ASTN2: variants seen among roughly 807,000 people sequenced by gnomAD.
ASTN2 encodes astrotactin-2.
In ASTN2, 54 loss-of-function variants were observed where a neutral mutation model predicts 139.8. The observed-to-expected ratio is 0.39, with a 90% CI of 0.31 to 0.48. The LOEUF is 0.48. Ranked by LOEUF, ASTN2 falls within the 20% of genes least tolerant of loss-of-function variation. The pLI is 0.95. For synonymous variants in ASTN2, 756 were observed against 719.5 expected, an observed-to-expected ratio of 1.05 and a Z score of -0.81; for missense variants, 1,565 against 1,725.1, an observed-to-expected ratio of 0.91 and a Z score of 1.64.
At chr9:116,915,618 A>C (rs889526362) in intron 10 of ASTN2, among the ~76,000 whole-genome samples, 1 of 152,174 alleles carries the variant, frequency 6.6e-6, no homozygotes, top group South Asian at 2.1e-4. Context: ...TGGCTACATG[A>C]TGAAGCCTCC....
chr9:116,774,499 C>T (rs1031790863), intron 13 of ASTN2, among the ~76,000 whole-genome samples: 3 of 152,094 alleles, frequency 2.0e-5, no homozygotes, highest in African/African-American at 7.2e-5. Context: ...AGGTACAATG[C>T]TAGGAGCTTT....
rs529213184 is a variant in ASTN2 at position 116,532,951 on chromosome 9, C to T, written c.3356-45451G>A. Among the ~76,000 whole-genome samples, 10 of 152,290 alleles carry T rather than the reference C, an allele frequency of 6.6e-5. No homozygotes were observed. In the South Asian group the frequency reaches 2.1e-3, roughly 32 times the overall value. On this transcript the variant is annotated intron_variant, in intron 19 of 22. Transcript: ENST00000313400. ...CACTGAATCTATAAATTACCTTGGG[C>T]AGTATGGCCATTTTGCAATATTGAT...
In ASTN2 at chr9:117,060,380, A is replaced by AAGAT. The variant is rs1224962800; in HGVS notation, c.1277-20416_1277-20415insATCT. 2.2e-4 allele frequency among the ~76,000 whole-genome samples: 17 copies of AAGAT among 77,224 alleles called. 1 individual carries two copies. Among genetic ancestry groups the AAGAT allele is most frequent in the African/African-American group, 1.1e-3 (17 of 14,942 alleles). 50.7% of individuals were successfully genotyped at this position (77,224 alleles called of 152,430 possible). A position where few individuals can be genotyped will look rare whatever the true frequency, so the allele number is the denominator to read the frequency against. On this transcript the variant is annotated intron_variant, in intron 5 of 22. Transcript: ENST00000313400. Reference sequence around the variant, plus strand: ...AAAGAAAGAAAGAAAGAAAGAAAGAAAGAAAGAAAGAAAGAAAGAAAGAAA... The same window carrying AAGAT: ...AAAGAAAGAAAGAAAGAAAGAAAGAAAGATAGAAAGAAAGAAAGAAAGAAAGAAA...
At chr9:116,889,099 G>A (rs1285853076) in intron 10 of ASTN2, among the ~76,000 whole-genome samples, 1 of 152,120 alleles carries the variant, frequency 6.6e-6, no homozygotes, top group Non-Finnish European at 1.5e-5. Flanking sequence ...GGCCAGGCTG[G>A]TCTTGAACTC....
intron 16 of ASTN2, among the ~76,000 whole-genome samples, chr9:116,722,596 T>G (rs915718726): frequency 6.6e-6 from 1 of 152,150 alleles, no homozygotes; most frequent in Non-Finnish European, 1.5e-5. Flanking sequence ...CTTCTTGGCC[T>G]TTTGCCTCTG....
At position 117,008,184 on chromosome 9, in the gene ASTN2, T is replaced by C; in HGVS notation, c.1499A>G (p.Tyr500Cys). 1 of 1,611,646 alleles carries C rather than the reference T, an allele frequency of 6.2e-7. No individual in the cohort carries two copies. The highest frequency in any genetic ancestry group is 8.5e-7 in the Non-Finnish European group (1 of 1,178,900). ...TGGGGAGGTGGCATTGATCTGGTAA[T>C]ACAGGGAAAGCTTGGCCGGGTTTAA... The part of the protein sequence containing the change: ...DWLNPAKLSL[Y>C]YQINATSPWV... The change falls in exon 7 of 23, where the codon TAT becomes TGT. Residue 500 changes from tyrosine (Y) to cysteine (C), a missense_variant. Tyr to Cys is a radical substitution (Grantham distance 194, BLOSUM62 -2). This residue lies in a region of ASTN2 where 503 missense variants were observed against 591.7 expected (regional missense o/e 0.85). Coordinates refer to ENST00000313400, the MANE Select transcript of ASTN2 (RefSeq NM_001365068.1).
chr9:117,180,840 C>A (rs1831045283), intron 3 of ASTN2: 7 of 1,555,190 alleles, frequency 4.5e-6, no homozygotes, highest in Non-Finnish European at 6.2e-6. Context: ...AGCCCCACTT[C>A]TTTGAGATGC....
chr9:116,610,301 G>C, intron 19 of ASTN2, among the ~76,000 whole-genome samples: 1 of 152,098 alleles, frequency 6.6e-6, no homozygotes, highest in Non-Finnish European at 1.5e-5. Flanking sequence ...ACAAAGCAAT[G>C]ATAGTATAAA....
At chr9:116,440,855 T>C in intron 21 of ASTN2, 63 bp from the exon 22 acceptor site, 2 of 1,505,438 alleles carry the variant, frequency 1.3e-6, no homozygotes, top group South Asian at 2.5e-5. Context: ...GATATAAGCA[T>C]GGGCTTCAAT....
chr9:116,872,634 T>C (rs1833196461), intron 10 of ASTN2, among the ~76,000 whole-genome samples: 2 of 152,120 alleles, frequency 1.3e-5, no homozygotes, highest in South Asian at 4.1e-4. Context: ...AAGATGACTC[T>C]CTCTCTCTTG....
chr9:116,902,241 T>C (rs115225643), intron 10 of ASTN2, among the ~76,000 whole-genome samples: 2,845 of 152,228 alleles, frequency 0.019, 103 homozygotes, highest in African/African-American at 0.065. Context: ...TTAATGATCC[T>C]GACCCTGTGG....
At chr9:116,500,624 G>C (rs1262474985) in intron 19 of ASTN2, among the ~76,000 whole-genome samples, 2 of 152,190 alleles carry the variant, frequency 1.3e-5, no homozygotes, top group Non-Finnish European at 2.9e-5. Context: ...AGACAATATT[G>C]TGCTCAGCCC....
At chr9:117,163,806 A>C (rs1830607221) in intron 3 of ASTN2, among the ~76,000 whole-genome samples, 1 of 151,986 alleles carries the variant, frequency 6.6e-6, no homozygotes, top group South Asian at 2.1e-4. Context: ...TTTGCTATAT[A>C]TTCCCATTTT....
intron 7 of ASTN2, among the ~76,000 whole-genome samples, chr9:116,983,682 G>C (rs917637648): frequency 3.3e-5 from 5 of 152,146 alleles, no homozygotes; most frequent in East Asian, 3.8e-4. Context: ...TTGTCTTCAG[G>C]CTTGGCATAT....
intron 15 of ASTN2, among the ~76,000 whole-genome samples, chr9:116,726,498 C>T: frequency 6.6e-6 from 1 of 152,216 alleles, no homozygotes; most frequent in East Asian, 1.9e-4. Context: ...CCACACCAAA[C>T]AAACCAGGGC....
chr9:116,460,442 A>G (rs1480541344), intron 20 of ASTN2, among the ~76,000 whole-genome samples: 1 of 152,196 alleles, frequency 6.6e-6, no homozygotes, highest in East Asian at 1.9e-4. Flanking sequence ...AACCAAAACC[A>G]GTGGAGTCAG....
At chr9:116,680,613 C>T (rs1399127681) in intron 16 of ASTN2, among the ~76,000 whole-genome samples, 1 of 152,120 alleles carries the variant, frequency 6.6e-6, no homozygotes, top group Non-Finnish European at 1.5e-5. Flanking sequence ...AACATTGATG[C>T]AAAAATCCTC....
intron 10 of ASTN2, among the ~76,000 whole-genome samples, chr9:116,934,581 A>G (rs927957106): frequency 2.6e-5 from 4 of 152,078 alleles, no homozygotes; most frequent in African/African-American, 9.7e-5. Flanking sequence ...ACATGGACAC[A>G]TAGAGGGGAA....
chr9:116,580,085 GCTGGGATTA>G (rs1853888450), intron 19 of ASTN2, among the ~76,000 whole-genome samples: 2 of 152,218 alleles, frequency 1.3e-5, no homozygotes, highest in South Asian at 4.1e-4. Flanking sequence ...CTCCCAAAGT[GCTGGGATTA>G]CAGGCGTGAG....
Sources: gnomAD v4.1 joint callset for allele counts (sites outside exome capture counted in the v4.1 genomes callset) on GRCh38, gnomAD v4.1.1 for gene constraint, gnomAD v4.1.1 regional missense constraint, MANE v1.5 for transcripts, NCBI Gene and HGNC (gene_info 2026-07-23, HGNC 2026-07-21) for gene names.